The following RANBP17 variants were observed in gnomAD, a reference collection of about 807,000 sequenced individuals.
The protein encoded by RANBP17 is RAN binding protein 17.
Under a neutral mutation model 141.2 loss-of-function variants are expected in RANBP17, and 158 were observed. The observed-to-expected ratio is 1.12, with a 90% CI of 0.98 to 1.28. The LOEUF is 1.28. RANBP17 is among the 50% of genes most tolerant of loss of function. The pLI, the probability that RANBP17 is intolerant of heterozygous loss-of-function variation, is 0.00. For synonymous variants in RANBP17, 430 were observed against 450.0 expected (o/e 0.96, Z 0.56); for missense variants, 1,438 against 1,290.7 (o/e 1.11, Z -1.75).
chr5:171,183,464 G>T, intron 18 of RANBP17, 34 bp downstream of exon 18: 3 of 1,374,844 alleles, frequency 2.2e-6, no homozygotes, highest in East Asian at 2.3e-5. Flanking sequence ...ATTAATAAGG[G>T]ATCAGCAATA....
rs1247940751 is a variant in RANBP17, at chr5:170,970,085, T to C, written c.1710+1708T>C. 2.0e-5 allele frequency among the ~76,000 whole-genome samples: 3 copies of C among 152,056 alleles called. 1 individual carries two copies. The highest frequency in any genetic ancestry group is 7.2e-5 in the African/African-American group (3 of 41,440). On this transcript the variant is annotated intron_variant, in intron 14 of 27. Transcript: ENST00000523189. ...TAGGTACTCTTCATGCTAGCTTTATTCCTTACAGTAGGCTTGCAAGGTTGG... is the reference window on the plus strand; with the variant it reads ...TAGGTACTCTTCATGCTAGCTTTATCCCTTACAGTAGGCTTGCAAGGTTGG...
intron 18 of RANBP17, among the ~76,000 whole-genome samples, chr5:171,196,888 C>T (rs1438261594): frequency 6.6e-6 from 1 of 151,972 alleles, no homozygotes; most frequent in African/African-American, 2.4e-5. Context: ...CTCCTGGGCC[C>T]AGGGGATCCT....
intron 12 of RANBP17, among the ~76,000 whole-genome samples, chr5:170,949,644 G>A (rs1173567277): frequency 3.9e-5 from 6 of 152,146 alleles, no homozygotes; most frequent in Admixed American, 2.6e-4. Flanking sequence ...TGGTGCAGCC[G>A]CTTTTGCAAA....
At chr5:171,071,653 CAAAA>C (rs34555837) in intron 14 of RANBP17, among the ~76,000 whole-genome samples, 69 of 69,642 alleles carry the variant, frequency 9.9e-4, no homozygotes, top group East Asian at 5.2e-4. Flanking sequence ...CAGCTTTATG[CAAAA>C]AAAAAAAAAA....
At chr5:170,944,991 C>T (rs748235564) in intron 12 of RANBP17, among the ~76,000 whole-genome samples, 11 of 152,230 alleles carry the variant, frequency 7.2e-5, no homozygotes, top group Non-Finnish European at 1.5e-4. Flanking sequence ...TCTCACTAGG[C>T]TCAGTTCCCT....
chr5:170,880,335 T>A (rs1204102140), intron 2 of RANBP17, among the ~76,000 whole-genome samples: 2 of 152,230 alleles, frequency 1.3e-5, no homozygotes, highest in East Asian at 3.8e-4. Context: ...GTTTTCAAAT[T>A]GACTTTTGAT....
At chr5:171,237,177 T>TCCA (rs1314767260) in intron 22 of RANBP17, among the ~76,000 whole-genome samples, 3 of 152,260 alleles carry the variant, frequency 2.0e-5, no homozygotes, top group South Asian at 4.2e-4. Flanking sequence ...TCTAGAAGGG[T>TCCA]ACTTCTGAGT....
intron 12 of RANBP17, among the ~76,000 whole-genome samples, chr5:170,926,774 T>A (rs1772964351): frequency 6.6e-6 from 1 of 152,168 alleles, no homozygotes; most frequent in Non-Finnish European, 1.5e-5. Flanking sequence ...AGCAAGTAGT[T>A]ATTCTTAGTT....
At chr5:170,886,359 T>C (rs1581053880) in intron 3 of RANBP17, among the ~76,000 whole-genome samples, 2 of 152,170 alleles carry the variant, frequency 1.3e-5, no homozygotes, top group African/African-American at 4.8e-5. Context: ...CTTCTAGGCC[T>C]TGTTATACAG....
chr5:171,263,677 C>G (rs1033508147), intron 24 of RANBP17, among the ~76,000 whole-genome samples: 17 of 152,170 alleles, frequency 1.1e-4, no homozygotes, highest in African/African-American at 3.4e-4. Flanking sequence ...TCTCTGAAAC[C>G]AAAAGTTCTA....
In RANBP17 at chr5:171,028,114, C is replaced by A. The variant is rs375576346; in HGVS notation, c.1710+59737C>A. On this transcript the variant is annotated intron_variant, in intron 14 of 27. Transcript: ENST00000523189. Reference sequence around the variant, plus strand: ...TTAAATTAATGCTAGATTTATAAGGCACTACAAAAAAAAGCACTAAATAAA... The same window carrying A: ...TTAAATTAATGCTAGATTTATAAGGAACTACAAAAAAAAGCACTAAATAAA... Among the ~76,000 whole-genome samples, 66 of 151,204 alleles carry A rather than the reference C, an allele frequency of 4.4e-4. 1 individual carries two copies. In the South Asian group the frequency reaches 0.013, roughly 31 times the overall value.
At chr5:170,966,010 G>A (rs1776532352) in intron 13 of RANBP17, among the ~76,000 whole-genome samples, 1 of 152,026 alleles carries the variant, frequency 6.6e-6, no homozygotes, top group African/African-American at 2.4e-5. Context: ...TTTTATCTCT[G>A]AATAGACCAA....
intron 3 of RANBP17, among the ~76,000 whole-genome samples, chr5:170,884,135 T>C (rs1010395472): frequency 1.3e-5 from 2 of 152,208 alleles, no homozygotes; most frequent in Admixed American, 1.3e-4. Context: ...GGATTTTGGC[T>C]AGTTTGATAG....
chr5:171,217,529 C>A (rs1581047342), intron 21 of RANBP17, among the ~76,000 whole-genome samples: 1 of 151,742 alleles, frequency 6.6e-6, no homozygotes, highest in South Asian at 2.1e-4. Flanking sequence ...GGCTGTGAAT[C>A]TGTCTGGGCT....
chr5:170,980,868 G>A (rs1353271617), intron 14 of RANBP17, among the ~76,000 whole-genome samples: 2 of 152,144 alleles, frequency 1.3e-5, no homozygotes, highest in Middle Eastern at 3.2e-3. Context: ...ACCCCAGAAT[G>A]GTAGATCCAC....
intron 22 of RANBP17, among the ~76,000 whole-genome samples, chr5:171,225,735 G>C (rs1763842441): frequency 6.6e-6 from 1 of 152,208 alleles, no homozygotes; most frequent in Admixed American, 6.5e-5. Context: ...TGCAGAGAGG[G>C]AAGGAAGCAT....
intron 14 of RANBP17, among the ~76,000 whole-genome samples, chr5:171,005,142 C>T (rs1779501434): frequency 6.6e-6 from 1 of 152,046 alleles, no homozygotes; most frequent in African/African-American, 2.4e-5. Flanking sequence ...ATAAGGCGGC[C>T]TTTATCGTGA....
intron 3 of RANBP17, among the ~76,000 whole-genome samples, chr5:170,889,446 T>G (rs1244972932): frequency 1.3e-5 from 2 of 152,144 alleles, no homozygotes; most frequent in Non-Finnish European, 2.9e-5. Context: ...TGTCCAATAT[T>G]TGGAAACAGG....
intron 7 of RANBP17, 174 bp downstream of exon 7, chr5:170,911,308 T>A: frequency 1.6e-6 from 1 of 609,976 alleles, no homozygotes; most frequent in Non-Finnish European, 2.9e-6. Context: ...GTAATTCATA[T>A]TATAGTAACT....
Sources: gnomAD v4.1 joint callset for allele counts (sites outside exome capture counted in the v4.1 genomes callset) on GRCh38, gnomAD v4.1.1 for gene constraint, MANE v1.5 for transcripts, NCBI Gene and HGNC (gene_info 2026-07-23, HGNC 2026-07-21) for gene names.